Variants in IGSF22 observed in about 807,000 individuals in gnomAD.
IGSF22 encodes immunoglobulin superfamily, member 22.
IGSF22 carries 119 observed loss-of-function variants against 127.0 expected under a neutral mutation model. The ratio of observed to expected loss-of-function variants is 0.94; its 90% CI spans 0.81 to 1.09. The LOEUF is 1.09. Ranked by LOEUF, IGSF22 falls within the 50% of genes least tolerant of loss-of-function variation. IGSF22 has a pLI of 0.00. For missense variants in IGSF22, 1,518 were observed against 1,716.6 expected (o/e 0.88, Z 2.04); for synonymous variants, 568 against 664.7 (o/e 0.85, Z 2.24).
At position 18,707,812 on chromosome 11, in the gene IGSF22, C is replaced by T. The variant is rs367835236; in HGVS notation, c.3272G>A (p.Arg1091His). 1.4e-4 allele frequency: 230 copies of T among 1,588,146 alleles called. No homozygotes were observed. In the African/African-American group the frequency reaches 2.4e-3, roughly 17 times the overall value. The change falls in exon 20 of 23, where the codon CGC becomes CAC. Residue 1091 changes from arginine (R) to histidine (H), a missense_variant. Physicochemically the swap from Arg to His is conservative, Grantham distance 29. This residue lies in a region of IGSF22 where 1,456 missense variants were observed against 1,644.9 expected (regional missense o/e 0.89). Coordinates refer to ENST00000513874, the MANE Select transcript of IGSF22 (RefSeq NM_173588.4). ...CTGCCTTCTCTCCATACCTGCCACG[C>T]GCACATGGATGTCATAGCGTGCTTC... ...FGEARYDIHVRVADFPRPPTN... is the reference protein window; with the variant it reads ...FGEARYDIHVHVADFPRPPTN...
At chr11:18,704,841 C>T in intron 22 of IGSF22, 2 of 340,824 alleles carry the variant, frequency 5.9e-6, no homozygotes, top group Admixed American at 7.9e-5. Context: ...AGCCAGGGCC[C>T]TGGGCCCATT....
chr11:18,712,473 G>A, intron 14 of IGSF22, 89 bp from the exon 15 acceptor site: 1 of 1,201,980 alleles, frequency 8.3e-7, no homozygotes, highest in Non-Finnish European at 1.1e-6. Context: ...GCCCAGACTA[G>A]GGTATAGCTG....
chr11:18,716,661 A>T lies in IGSF22; in HGVS notation c.1246+67T>A, dbSNP rs1214437108. 2 of 1,500,290 alleles carry T rather than the reference A, an allele frequency of 1.3e-6. No homozygotes were observed. The highest frequency in any genetic ancestry group is 2.8e-5 in the African/African-American group (2 of 72,646). 92.9% of individuals were successfully genotyped at this position (1,500,290 alleles called of 1,614,324 possible). ...GGATGGATAGATGGATATATAAATG[A>T]TGACTACCTGCATGGAGGTTGCTGT... is the stretch of plus-strand genomic sequence containing the variant. On this transcript the variant is annotated intron_variant, in intron 10 of 22. Coordinates refer to ENST00000513874, the MANE Select transcript of IGSF22 (RefSeq NM_173588.4). The surrounding 1 kb of genome is among the most constrained non-coding windows in gnomAD (Gnocchi z 4.5).
At chr11:18,722,958 T>C (rs79324237) in intron 2 of IGSF22, among the ~76,000 whole-genome samples, 10,327 of 152,322 alleles carry the variant, frequency 0.068, 414 homozygotes, top group Non-Finnish European at 0.092. Flanking sequence ...AACAAAAAAG[T>C]AGCCCTACAT....
chr11:18,725,935 A>C (rs923229507), intron 1 of IGSF22, 139 bp downstream of exon 1: 6 of 152,312 alleles, frequency 3.9e-5, no homozygotes, highest in African/African-American at 1.4e-4. Context: ...CCCCTAATAT[A>C]TCTCTGCCTG....
chr11:18,706,089 G>C lies in IGSF22; in HGVS notation c.3638C>G (p.Pro1213Arg). 1.3e-6 allele frequency: 2 copies of C among 1,548,602 alleles called. No homozygotes were observed. The highest frequency in any genetic ancestry group is 1.7e-6 in the Non-Finnish European group (2 of 1,146,844). The change falls in exon 22 of 23, where the codon CCG (proline) becomes CGG (arginine). Residue 1213 changes from proline (P) to arginine (R), a missense_variant. Around this residue, in one of 3 missense-constraint regions of IGSF22, gnomAD observed 1,456 missense variants for 1,644.9 expected, o/e 0.89. Transcript: ENST00000513874. ...PYEKKDWRHA[P>R]RFVTPLKPHT... is the part of the protein sequence containing the mutation. ...TGGCTTGAGGGGCGTCACGAAGCGC[G>C]GCGCGTGGCGCCAGTCCTTCTTCTC...
Position 18,709,602 on chromosome 11 carries a change from T to C in IGSF22, c.2783A>G (p.Glu928Gly). 6.2e-7 allele frequency: 1 copy of C among 1,614,196 alleles called. No homozygotes were observed. The highest frequency in any genetic ancestry group is 8.5e-7 in the Non-Finnish European group (1 of 1,180,034). ...SISLAWREPA[E>G]GDPPSGYILE... ...GATGTAGCCAGAGGGTGGGTCTCCC[T>C]CTGCAGGCTCCCGCCAGGCCAGGGA... Residue 928 changes from glutamate to glycine, a missense_variant, in exon 18 of 23, where the codon GAG (glutamate) becomes GGG (glycine). Physicochemically the swap from Glu to Gly is moderately conservative, Grantham distance 98. Around this residue, in one of 3 missense-constraint regions of IGSF22, gnomAD observed 1,456 missense variants for 1,644.9 expected, o/e 0.89. Coordinates refer to ENST00000513874, the MANE Select transcript of IGSF22 (RefSeq NM_173588.4). The surrounding 1 kb of genome is among the most constrained non-coding windows in gnomAD (Gnocchi z 4.8).
intron 1 of IGSF22, among the ~76,000 whole-genome samples, chr11:18,725,247 C>T (rs1848634478): frequency 6.6e-6 from 1 of 151,864 alleles, no homozygotes; most frequent in Non-Finnish European, 1.5e-5. Context: ...CCTGCCTCAG[C>T]CTCCCCAGCA....
intron 1 of IGSF22, among the ~76,000 whole-genome samples, chr11:18,724,812 A>G (rs1197731819): frequency 6.6e-6 from 1 of 152,106 alleles, no homozygotes; most frequent in Non-Finnish European, 1.5e-5. Flanking sequence ...TTTTTCTTAC[A>G]TTTTTCTTTG....
chr11:18,714,227 T>C (rs1848413858), intron 13 of IGSF22, 50 bp downstream of exon 13: 1 of 1,596,116 alleles, frequency 6.3e-7, no homozygotes, highest in Non-Finnish European at 8.5e-7. Flanking sequence ...CATGAGCTTG[T>C]AGGTGGGCCA....
intron 17 of IGSF22, 65 bp downstream of exon 17, chr11:18,710,262 A>T: frequency 6.3e-7 from 1 of 1,588,256 alleles, no homozygotes. Flanking sequence ...CGGGGAAGAA[A>T]TTCTTTCTCT....
chr11:18,725,703 G>A (rs933172701), intron 1 of IGSF22, among the ~76,000 whole-genome samples: 1 of 152,166 alleles, frequency 6.6e-6, no homozygotes, highest in East Asian at 1.9e-4. Context: ...GCCTCCCAAA[G>A]TGCTAGGATT....
At position 18,709,256 on chromosome 11, in the gene IGSF22, G is replaced by T; in HGVS notation, c.2998+131C>A. ...CTGAAGTTACCCCTAACTTTGTCCA[G>T]GCACAACAACTATGGATGACTTTTT... On this transcript the variant is annotated intron_variant, in intron 18 of 22. Transcript: ENST00000513874. The surrounding 1 kb of genome is among the most constrained non-coding windows in gnomAD (Gnocchi z 4.8). 1.0e-6 allele frequency: 1 copy of T among 953,996 alleles called. No homozygotes were observed. The highest frequency in any genetic ancestry group is 1.5e-6 in the Non-Finnish European group (1 of 647,268). The allele number at this position is 953,996 out of a possible 1,614,324, so 59.1% of individuals were successfully genotyped here.
intron 18 of IGSF22, 35 bp from the exon 19 acceptor site, chr11:18,708,330 CTG>C: frequency 6.7e-7 from 1 of 1,485,082 alleles, no homozygotes; most frequent in Non-Finnish European, 9.0e-7. Context: ...AGGCATGGAT[CTG>C]TCTTTCAAGA....
chr11:18,713,965 T>G lies in IGSF22; in HGVS notation c.1982A>C (p.Asp661Ala). Residue 661 changes from aspartate (D) to alanine (A), a missense_variant, in exon 14 of 23, where the codon GAC becomes GCC. Asp to Ala is a moderately radical substitution (Grantham distance 126). This residue lies in a region of IGSF22 where 1,456 missense variants were observed against 1,644.9 expected (regional missense o/e 0.89). Transcript: ENST00000513874. ...EERVSMERGE[D>A]QALLTISNCV... ...GTTGGAGATGGTGAGCAGTGCCTGG[T>G]CTTCCCCGCGCTCCATGGACACGCG... 1 of 1,614,270 alleles carries G rather than the reference T, an allele frequency of 6.2e-7. No individual in the cohort carries two copies. Among genetic ancestry groups the G allele is most frequent in the Non-Finnish European group, 8.5e-7 (1 of 1,180,044 alleles).
At position 18,714,611 on chromosome 11, in the gene IGSF22, TG is replaced by T. The variant is rs762765260; in HGVS notation, c.1544del (p.Thr515LysfsTer2). On this transcript the variant is annotated frameshift_variant, in exon 12 of 23. Transcript: ENST00000513874. LOFTEE classifies it high-confidence loss of function. ...GCACGTCGGACATCCCGCTCTTCAC[TG>T]TGGCCAGACGCTCTGGGGAGAAAGG... is the stretch of plus-strand genomic sequence containing the variant. ...AIVTVEERLA[T>X]VKSGMSDVHA... 4.5e-5 allele frequency: 73 copies of T among 1,613,922 alleles called. No homozygotes were observed. The African/African-American group carries it at 9.3e-4, about 21-fold the overall frequency.
At position 18,708,215 on chromosome 11, in the gene IGSF22, C is replaced by A. The variant is rs1333618583; in HGVS notation, c.3079G>T (p.Ala1027Ser). The change falls in exon 19 of 23, where the codon GCC becomes TCC. Residue 1027 changes from alanine to serine, a missense_variant. Coordinates refer to ENST00000513874, the MANE Select transcript of IGSF22 (RefSeq NM_173588.4). ...RAGTALCIHA[A>S]FSGSPPPDVI... ...GGTCAGGGACAACTCACAGAGAAGG[C>A]TGCATGGATGCAGAGGGCTGTCCCA... The A allele has an allele frequency of 6.5e-7, 1 of 1,543,934 alleles. No individual in the cohort carries two copies. Among genetic ancestry groups the A allele is most frequent in the Non-Finnish European group, 8.7e-7 (1 of 1,143,360 alleles).
chr11:18,706,856 T>G (rs1445343010), intron 21 of IGSF22, 58 bp downstream of exon 21: 1 of 1,359,934 alleles, frequency 7.4e-7, no homozygotes, highest in African/African-American at 1.5e-5. Context: ...GGGACCCTTA[T>G]GTCATCCCCA....
rs937223933 is a variant in IGSF22 at position 18,710,635 on chromosome 11, C to T, written c.2572+20G>A. The T allele has an allele frequency of 6.2e-7, 1 of 1,605,186 alleles. No homozygotes were observed. Among genetic ancestry groups the T allele is most frequent in the Non-Finnish European group, 8.5e-7 (1 of 1,172,774 alleles). ...AGACCTCCTTTGGTCACTCCTGGGC[C>T]TCTGTTCCAAGGACCTCACCCTGGA... is the stretch of plus-strand genomic sequence containing the variant. On this transcript the variant is annotated intron_variant, in intron 16 of 22. Coordinates refer to ENST00000513874, the MANE Select transcript of IGSF22 (RefSeq NM_173588.4).
Sources: gnomAD v4.1 joint callset for allele counts (sites outside exome capture counted in the v4.1 genomes callset) on GRCh38, gnomAD v4.1.1 for gene constraint, gnomAD v4.1.1 regional missense constraint, Gnocchi (gnomAD v3.1) non-coding constraint, MANE v1.5 for transcripts, NCBI Gene and HGNC (gene_info 2026-07-23, HGNC 2026-07-21) for gene names.